Variants in LOXHD1 observed in about 807,000 individuals in gnomAD.
The protein encoded by LOXHD1 is lipoxygenase homology PLAT domains 1, also known as lipoxygenase homology domain-containing protein 1.
LOXHD1 carries 205 observed loss-of-function variants against 248.2 expected under a neutral mutation model. The observed-to-expected ratio is 0.83, with a 90% CI of 0.74 to 0.93. LOXHD1 has a LOEUF of 0.93. Ranked by LOEUF, LOXHD1 falls within the 40% of genes least tolerant of loss-of-function variation. The pLI is 0.00. For synonymous variants in LOXHD1, 1,113 were observed against 1,162.8 expected, an observed-to-expected ratio of 0.96 and a Z score of 0.87; for missense variants, 2,930 against 2,971.6, an observed-to-expected ratio of 0.99 and a Z score of 0.33.
chr18:46,524,256 C>T (rs2035716926), intron 31 of LOXHD1, among the ~76,000 whole-genome samples: 2 of 152,248 alleles, frequency 1.3e-5, no homozygotes, highest in East Asian at 1.9e-4. Context: ...CCTTTGTTTC[C>T]CCATCTGCAA....
Position 46,620,119 on chromosome 18 carries a change from A to G in LOXHD1, c.512-1829T>C, listed in dbSNP as rs556138234. On this transcript the variant is annotated intron_variant, in intron 4 of 40. Transcript: ENST00000642948. ...AGAGCTTCTGAGCCATGTTGTTTGTAAGGACCAGGGAGGCCTCAGCCGTGG... is the reference window on the plus strand; with the variant it reads ...AGAGCTTCTGAGCCATGTTGTTTGTGAGGACCAGGGAGGCCTCAGCCGTGG... Among the ~76,000 whole-genome samples the G allele has an allele frequency of 3.9e-5, 6 of 152,310 alleles. No individual in the cohort carries two copies. The South Asian group carries it at 1.2e-3, about 32-fold the overall frequency.
chr18:46,630,086 C>T (rs1167773984), intron 4 of LOXHD1, among the ~76,000 whole-genome samples: 1 of 152,186 alleles, frequency 6.6e-6, no homozygotes, highest in East Asian at 1.9e-4. Context: ...AGAACAAGAG[C>T]AGGTGTGGAA....
At chr18:46,512,824 C>T (rs949916853) in intron 34 of LOXHD1, among the ~76,000 whole-genome samples, 3 of 152,262 alleles carry the variant, frequency 2.0e-5, no homozygotes, top group Non-Finnish European at 4.4e-5. Context: ...TCTCTCTCTT[C>T]TCCAGGGTCC....
intron 28 of LOXHD1, among the ~76,000 whole-genome samples, chr18:46,531,527 G>A (rs573320009): frequency 2.6e-5 from 4 of 152,292 alleles, no homozygotes; most frequent in Admixed American, 2.6e-4. Context: ...GTGTCCCAGA[G>A]CAGGATGCTG....
chr18:46,656,871 AC>A (rs2039189203), intron 1 of LOXHD1, 32 bp downstream of exon 1: 4 of 1,548,122 alleles, frequency 2.6e-6, no homozygotes, highest in Middle Eastern at 3.3e-4. Context: ...AGCCAGCTGC[AC>A]CACCCGCCCC....
At chr18:46,592,474 A>T in intron 11 of LOXHD1, 24 bp downstream of exon 11, 2 of 1,539,366 alleles carry the variant, frequency 1.3e-6, no homozygotes, top group South Asian at 2.4e-5. Flanking sequence ...ACAACCTCCC[A>T]AACCCCAAGA....
chr18:46,649,039 A>T, intron 2 of LOXHD1, 116 bp downstream of exon 2: 1 of 823,842 alleles, frequency 1.2e-6, no homozygotes, highest in Non-Finnish European at 2.0e-6. Context: ...CATACCACTT[A>T]ATAACCTGTG....
In LOXHD1 at chr18:46,594,324, C is replaced by T. The variant is rs1356908529; in HGVS notation, c.1270+7G>A. The T allele has an allele frequency of 1.3e-6, 2 of 1,551,556 alleles. No individual in the cohort carries two copies. The highest frequency in any genetic ancestry group is 2.4e-5 in the South Asian group (2 of 84,054). On this transcript the variant is annotated splice_region_variant and intron_variant, in intron 9 of 40. Transcript: ENST00000642948. ...AGGCCTCCAGGTTCTGGGTCTCTCT[C>T]ACTTACTTTTCAGCCGCTTCTTCCT...
chr18:46,485,150 G>A lies in LOXHD1; in HGVS notation c.6051C>T (p.Thr2017=). The change falls in exon 39 of 41, where the codon ACC becomes ACT. Residue 2017 remains threonine, a splice_region_variant and synonymous_variant. Transcript: ENST00000642948. The part of the protein sequence containing the change: ...NKICDELEET[T]YEIVIETGNG... ...TGCCCGTTTCTATGACGATCTCGTA[G>A]GCTGTAATGGAGGAGGTGGGGGAGG... 6.5e-7 allele frequency: 1 copy of A among 1,549,274 alleles called. No homozygotes were observed. Among genetic ancestry groups the A allele is most frequent in the Non-Finnish European group, 8.7e-7 (1 of 1,145,994 alleles).
At chr18:46,526,693 A>G (rs994525171) in intron 29 of LOXHD1, among the ~76,000 whole-genome samples, 2 of 152,216 alleles carry the variant, frequency 1.3e-5, no homozygotes, top group African/African-American at 2.4e-5. Context: ...TTGCACTGAA[A>G]GAGTGACTGG....
chr18:46,505,518 G>C (rs140646742), intron 37 of LOXHD1, among the ~76,000 whole-genome samples: 62 of 152,316 alleles, frequency 4.1e-4, no homozygotes, highest in African/African-American at 1.4e-3. Flanking sequence ...CATGGGAAAT[G>C]AACTGGTGAT....
chr18:46,638,825 G>A (rs2038925495), intron 4 of LOXHD1, among the ~76,000 whole-genome samples: 1 of 152,100 alleles, frequency 6.6e-6, no homozygotes, highest in African/African-American at 2.4e-5. Context: ...ACGCTGGAAG[G>A]CAGACTCCAA....
intron 20 of LOXHD1, chr18:46,559,198 C>T (rs530634820): frequency 6.8e-7 from 1 of 1,465,624 alleles, no homozygotes; most frequent in South Asian, 1.2e-5. Flanking sequence ...CCACTCAACG[C>T]CATTCTCTGT....
At chr18:46,552,489 C>G (rs2037147402) in intron 21 of LOXHD1, among the ~76,000 whole-genome samples, 1 of 152,194 alleles carries the variant, frequency 6.6e-6, no homozygotes, top group Non-Finnish European at 1.5e-5. Context: ...TCTCTGCTCT[C>G]CAAACAGCCT....
intron 6 of LOXHD1, among the ~76,000 whole-genome samples, chr18:46,609,111 T>G (rs1261078409): frequency 6.6e-6 from 1 of 152,260 alleles, no homozygotes; most frequent in Non-Finnish European, 1.5e-5. Context: ...TCAAAGCCTT[T>G]ATCCCCATTT....
At chr18:46,556,127 A>T (rs1251802560) in intron 21 of LOXHD1, among the ~76,000 whole-genome samples, 1 of 151,606 alleles carries the variant, frequency 6.6e-6, no homozygotes, top group Non-Finnish European at 1.5e-5. Flanking sequence ...TCACATGTCA[A>T]AATGACACAG....
At position 46,487,266 on chromosome 18, in the gene LOXHD1, C is replaced by G. The variant is rs145473958; in HGVS notation, c.6049+1706G>C. The stretch of plus-strand genomic sequence containing the variant: ...AGACAGGAGAGGAGCGAACAGATCC[C>G]CATTGAAATCTTGCCTTCATCCTGG... On this transcript the variant is annotated intron_variant, in intron 38 of 40. Transcript: ENST00000642948. 4.9e-3 allele frequency among the ~76,000 whole-genome samples: 750 copies of G among 152,262 alleles called. 8 individuals are homozygous for G. Among genetic ancestry groups the G allele is most frequent in the African/African-American group, 0.016 (675 of 41,534 alleles).
At chr18:46,551,316 G>A (rs1293085502) in intron 21 of LOXHD1, among the ~76,000 whole-genome samples, 1 of 152,008 alleles carries the variant, frequency 6.6e-6, no homozygotes, top group Non-Finnish European at 1.5e-5. Flanking sequence ...TGTTAGCCAG[G>A]ATGGTCTCGA....
At chr18:46,550,579 C>CAAAAAAAA (rs754046200) in intron 21 of LOXHD1, among the ~76,000 whole-genome samples, 6,747 of 45,304 alleles carry the variant, frequency 0.15, 1,534 homozygotes, top group Non-Finnish European at 0.22. Context: ...GACTCCGTCT[C>CAAAAAAAA]AAAAAAAAAA....
Sources: allele counts gnomAD v4.1 joint callset (sites outside exome capture counted in the v4.1 genomes callset), GRCh38; gene constraint gnomAD v4.1.1; transcripts MANE v1.5; gene names NCBI Gene and HGNC (gene_info 2026-07-23, HGNC 2026-07-21).